AGAP1: variants seen among roughly 807,000 people sequenced by gnomAD.
AGAP1 encodes arf-GAP with GTPase, ANK repeat and PH domain-containing protein 1.
In AGAP1, 29 loss-of-function variants were observed where a neutral mutation model predicts 105.3. The ratio of observed to expected loss-of-function variants is 0.28; its 90% CI spans 0.21 to 0.38. The LOEUF is 0.38. AGAP1 is among the 10% of genes least tolerant of loss of function. The probability of loss-of-function intolerance (pLI) is 1.00; values close to 1 mark genes in which losing one functional copy is unlikely to be tolerated. For missense variants in AGAP1, 998 were observed against 1,165.1 expected (o/e 0.86, Z 2.09); for synonymous variants, 509 against 485.9 (o/e 1.05, Z -0.63).
In AGAP1 at chr2:236,003,058, G is replaced by T. The variant is rs759082300; in HGVS notation, c.1646-33503G>T. Among the ~76,000 whole-genome samples, 11 of 152,030 alleles carry T rather than the reference G, an allele frequency of 7.2e-5. No homozygotes were observed. Among genetic ancestry groups the T allele is most frequent in the Non-Finnish European group, 1.5e-4 (10 of 68,006 alleles). ...AATTACTCACGTATTCGCCCACTGT[G>T]TGCCAACAGAGTCTTGATCTATTGC... On this transcript the variant is annotated intron_variant, in intron 13 of 17. Transcript: ENST00000304032. This position sits in a 1 kb window ranked among gnomAD's most constrained non-coding sequence, Gnocchi z 4.2.
At position 236,087,005 on chromosome 2, in the gene AGAP1, C is replaced by A. The variant is rs545535921; in HGVS notation, c.2115-33187C>A. ...AAAGTTTTGGCAAACACTCGGGAAA[C>A]CCAGGACAGAGGAGGTAGGTAAACT... On this transcript the variant is annotated intron_variant, in intron 16 of 17. Transcript: ENST00000304032. This position sits in a 1 kb window ranked among gnomAD's most constrained non-coding sequence, Gnocchi z 5.7. Among the ~76,000 whole-genome samples, 1 of 152,026 alleles carries A rather than the reference C, an allele frequency of 6.6e-6. No homozygotes were observed.
intron 8 of AGAP1, among the ~76,000 whole-genome samples, chr2:235,802,974 G>GTGATGGTGGTGA (rs1304678826): frequency 2.5e-4 from 7 of 27,594 alleles, no homozygotes; most frequent in African/African-American, 6.2e-4. Flanking sequence ...GATGATGGTT[G>GTGATGGTGGTGA]TGGTTGTGAT....
Position 236,038,565 on chromosome 2 carries a change from G to A in AGAP1, c.1800+1850G>A, listed in dbSNP as rs143004504. On this transcript the variant is annotated intron_variant, in intron 14 of 17. Transcript: ENST00000304032. This position sits in a 1 kb window ranked among gnomAD's most constrained non-coding sequence, Gnocchi z 4.5. The stretch of plus-strand genomic sequence containing the variant: ...GAGGAGGACGCGTTGAGCAACCAAA[G>A]GTGGCCGACTCAGAGCTGGTCATCG... Among the ~76,000 whole-genome samples the A allele has an allele frequency of 5.3e-5, 8 of 152,334 alleles. No individual in the cohort carries two copies. The highest frequency in any genetic ancestry group is 8.8e-5 in the Non-Finnish European group (6 of 68,034).
chr2:236,038,454 G>C lies in AGAP1; in HGVS notation c.1800+1739G>C, dbSNP rs983332219. On this transcript the variant is annotated intron_variant, in intron 14 of 17. Transcript: ENST00000304032. This position sits in a 1 kb window ranked among gnomAD's most constrained non-coding sequence, Gnocchi z 4.5. ...CACCTTGCCAGGCTCCTCCTGACTC[G>C]TGTCTCAGCTCATGCACACACCAGC... 6.6e-6 allele frequency among the ~76,000 whole-genome samples: 1 copy of C among 152,112 alleles called. No individual in the cohort carries two copies. Among genetic ancestry groups the C allele is most frequent in the Non-Finnish European group, 1.5e-5 (1 of 68,026 alleles).
rs1951754809 is a variant in AGAP1, at chr2:235,728,314, T to TGTGTGTGTGTGTGTGTGTGTGTGTGTGC, written c.310+10683_310+10684insTGTGTGTGTGTGTGCGTGTGTGTGTGTG. ...TGGGCCCAGACTCTGTGTGTGTGTG[T>TGTGTGTGTGTGTGTGTGTGTGTGTGTGC]GTGTGTGTGTGTGCGTGCTCTTAAA... On this transcript the variant is annotated intron_variant, in intron 3 of 17. Coordinates refer to ENST00000304032, the MANE Select transcript of AGAP1 (RefSeq NM_001037131.3). The surrounding 1 kb of genome is among the most constrained non-coding windows in gnomAD (Gnocchi z 4.3). Among the ~76,000 whole-genome samples the TGTGTGTGTGTGTGTGTGTGTGTGTGTGC allele has an allele frequency of 6.6e-6, 1 of 151,720 alleles. No individual in the cohort carries two copies. The highest frequency in any genetic ancestry group is 6.6e-5 in the Admixed American group (1 of 15,244).
At chr2:235,626,493 T>C (rs1366765410) in intron 1 of AGAP1, among the ~76,000 whole-genome samples, 3 of 152,212 alleles carry the variant, frequency 2.0e-5, no homozygotes, top group African/African-American at 7.2e-5. Context: ...TGGTGGCGTT[T>C]TTTAAAAGTA....
intron 6 of AGAP1, among the ~76,000 whole-genome samples, chr2:235,786,605 G>A (rs57957542): frequency 0.24 from 36,169 of 152,136 alleles, 4,921 homozygotes; most frequent in Admixed American, 0.39. Context: ...AATTTTTATC[G>A]AGATTGTTGT....
intron 1 of AGAP1, among the ~76,000 whole-genome samples, chr2:235,675,929 C>T (rs1242011135): frequency 1.3e-5 from 2 of 152,174 alleles, no homozygotes; most frequent in Non-Finnish European, 2.9e-5. Context: ...CTCCAGAGGT[C>T]CTCCAGTGTT....
intron 9 of AGAP1, among the ~76,000 whole-genome samples, chr2:235,854,405 C>G (rs546448410): frequency 7.2e-5 from 11 of 152,328 alleles, no homozygotes; most frequent in African/African-American, 2.6e-4. Context: ...CCTGTGAGGC[C>G]TGTCTCTAGC....
chr2:235,813,687 G>A (rs575808368), intron 9 of AGAP1, among the ~76,000 whole-genome samples: 1 of 152,316 alleles, frequency 6.6e-6, no homozygotes, highest in African/African-American at 2.4e-5. Flanking sequence ...TGTGCTTTTC[G>A]GTTTGGCTGT....
chr2:235,773,763 G>T (rs1313270855), intron 6 of AGAP1: 1 of 368,298 alleles, frequency 2.7e-6, no homozygotes, highest in African/African-American at 2.1e-5. Flanking sequence ...GATGGGGGCT[G>T]GTTTTCTTCG....
At chr2:236,028,899 G>T (rs543644617) in intron 13 of AGAP1, among the ~76,000 whole-genome samples, 3 of 152,238 alleles carry the variant, frequency 2.0e-5, no homozygotes, top group African/African-American at 4.8e-5. Flanking sequence ...TTCCTCGTTG[G>T]CTAAGGAGTT....
intron 10 of AGAP1, among the ~76,000 whole-genome samples, chr2:235,896,991 ATGT>A (rs558422813): frequency 1.6e-3 from 241 of 152,358 alleles, no homozygotes; most frequent in Non-Finnish European, 2.9e-3. Context: ...TTCATTATTG[ATGT>A]TGTTGACACA....
chr2:236,013,807 C>CATT (rs2056602104), intron 13 of AGAP1, among the ~76,000 whole-genome samples: 2 of 152,224 alleles, frequency 1.3e-5, no homozygotes, highest in Non-Finnish European at 2.9e-5. Flanking sequence ...TGACCTGGGG[C>CATT]TGTGCCTTTG....
At chr2:236,107,063 C>G (rs949859360) in intron 16 of AGAP1, among the ~76,000 whole-genome samples, 1 of 152,202 alleles carries the variant, frequency 6.6e-6, no homozygotes. Context: ...GCTCTCTGTT[C>G]CCGAGGTTGC....
intron 16 of AGAP1, among the ~76,000 whole-genome samples, chr2:236,060,072 C>G (rs1474328027): frequency 2.0e-5 from 3 of 152,166 alleles, no homozygotes; most frequent in African/African-American, 7.2e-5. Flanking sequence ...GCCTGGGTGA[C>G]AGAGCAAGAC....
chr2:235,623,866 C>A lies in AGAP1; in HGVS notation c.164-85313C>A, dbSNP rs931773785. Among the ~76,000 whole-genome samples the A allele has an allele frequency of 3.9e-5, 6 of 152,044 alleles. No individual in the cohort carries two copies. Among genetic ancestry groups the A allele is most frequent in the African/African-American group, 1.4e-4 (6 of 41,390 alleles). On this transcript the variant is annotated intron_variant, in intron 1 of 17. Transcript: ENST00000304032. The surrounding 1 kb of genome is among the most constrained non-coding windows in gnomAD (Gnocchi z 4.5). ...GTCAGAATTAATAAGGTGTAGTGCC[C>A]AAGAGGAATATTTTGTTTCCATTTT...
intron 1 of AGAP1, among the ~76,000 whole-genome samples, chr2:235,618,851 T>C (rs1049198113): frequency 2.0e-5 from 3 of 152,160 alleles, no homozygotes; most frequent in Non-Finnish European, 4.4e-5. Flanking sequence ...GACCTTCTGT[T>C]GGCAAAAGAA....
chr2:235,498,740 G>A (rs1002878785), intron 1 of AGAP1, among the ~76,000 whole-genome samples: 4 of 152,190 alleles, frequency 2.6e-5, no homozygotes, highest in Non-Finnish European at 4.4e-5. Context: ...AGGTTCCCAC[G>A]CATCGCCGGG....
Sources: allele counts gnomAD v4.1 joint callset (sites outside exome capture counted in the v4.1 genomes callset), GRCh38; gene constraint gnomAD v4.1.1; non-coding constraint Gnocchi (gnomAD v3.1); transcripts MANE v1.5; gene names NCBI Gene and HGNC (gene_info 2026-07-23, HGNC 2026-07-21).